Variants in SEPSECS observed in about 807,000 individuals in gnomAD.
SEPSECS encodes O-phosphoseryl-tRNA(Sec) selenium transferase.
In SEPSECS, 42 loss-of-function variants were observed where a neutral mutation model predicts 52.1. The observed-to-expected ratio is 0.81, with a 90% CI of 0.63 to 1.04. The LOEUF (loss-of-function observed/expected upper bound fraction) is 1.04. Ranked by LOEUF, SEPSECS falls within the 50% of genes least tolerant of loss-of-function variation. The probability of loss-of-function intolerance (pLI) is 0.00; values close to 1 mark genes in which losing one functional copy is unlikely to be tolerated. For missense variants in SEPSECS, 590 were observed against 610.6 expected (o/e 0.97, Z 0.36); for synonymous variants, 216 against 211.4 (o/e 1.02, Z -0.19).
At chr4:25,133,496 A>T (rs1388328631) in intron 8 of SEPSECS, among the ~76,000 whole-genome samples, 1 of 152,224 alleles carries the variant, frequency 6.6e-6, no homozygotes, top group African/African-American at 2.4e-5. Flanking sequence ...ATTTTCACTC[A>T]TGCTAAGCAA....
chr4:25,138,253 T>C (rs930727733), intron 8 of SEPSECS, among the ~76,000 whole-genome samples: 1 of 152,186 alleles, frequency 6.6e-6, no homozygotes, highest in African/African-American at 2.4e-5. Context: ...TTACTATCTA[T>C]ATAATAAAGT....
upstream of SEPSECS, chr4:25,160,521 T>G (rs1713019098): frequency 1.7e-5 from 11 of 642,530 alleles, no homozygotes; most frequent in Non-Finnish European, 2.9e-5. Flanking sequence ...AAAAAACACT[T>G]CTCGTTCGTG....
chr4:25,148,932 C>G (rs1390593952), intron 6 of SEPSECS, among the ~76,000 whole-genome samples: 1 of 152,172 alleles, frequency 6.6e-6, no homozygotes. Flanking sequence ...AAAGTTTATT[C>G]ATCCATCTTA....
intron 9 of SEPSECS, among the ~76,000 whole-genome samples, chr4:25,126,438 T>G (rs944265585): frequency 6.6e-6 from 1 of 152,206 alleles, no homozygotes; most frequent in Non-Finnish European, 1.5e-5. Flanking sequence ...TATTATATAT[T>G]GGTGTTCAAA....
intron 8 of SEPSECS, among the ~76,000 whole-genome samples, chr4:25,138,358 G>A (rs1445771733): frequency 1.3e-5 from 2 of 151,930 alleles, no homozygotes; most frequent in Non-Finnish European, 2.9e-5. Context: ...TTAGGCTCAT[G>A]CCTGTAATCC....
At chr4:25,125,941 T>C (rs1728346661) in intron 9 of SEPSECS, among the ~76,000 whole-genome samples, 157 bp from the exon 10 acceptor site, 1 of 152,236 alleles carries the variant, frequency 6.6e-6, no homozygotes, top group African/African-American at 2.4e-5. Flanking sequence ...GATTTGTTTA[T>C]ATATCAGACA....
At position 25,145,067 on chromosome 4, in the gene SEPSECS, C is replaced by A. The variant is rs1304133809; in HGVS notation, c.871G>T (p.Gly291Cys). The A allele has an allele frequency of 6.2e-7, 1 of 1,613,788 alleles. No individual in the cohort carries two copies. Among genetic ancestry groups the A allele is most frequent in the Admixed American group, 1.7e-5 (1 of 59,994 alleles). The change falls in exon 7 of 11, where the codon GGT (glycine) becomes TGT (cysteine). Residue 291 changes from glycine to cysteine, a missense_variant. Gly to Cys is a radical substitution (Grantham distance 159). Coordinates refer to ENST00000382103, the MANE Select transcript of SEPSECS (RefSeq NM_016955.4). Reference sequence around the variant, plus strand: ...TTAAAGCCAGCAATTATAGCACCACCTACTGGAACCATAAAATTTTTGTCC... The same window carrying A: ...TTAAAGCCAGCAATTATAGCACCACATACTGGAACCATAAAATTTTTGTCC... ...SLDKNFMVPV[G>C]GAIIAGFNDS... is the part of the protein sequence containing the mutation.
At chr4:25,137,411 G>C (rs1008951848) in intron 8 of SEPSECS, among the ~76,000 whole-genome samples, 3 of 152,072 alleles carry the variant, frequency 2.0e-5, no homozygotes, top group Admixed American at 6.6e-5. Context: ...CAAAGGACAC[G>C]AACAGCCACT....
intron 9 of SEPSECS, among the ~76,000 whole-genome samples, chr4:25,126,008 G>A (rs1728350349): frequency 6.6e-6 from 1 of 152,170 alleles, no homozygotes; most frequent in East Asian, 1.9e-4. Context: ...TCCAATATCA[G>A]CCTTCAGGAG....
intron 8 of SEPSECS, among the ~76,000 whole-genome samples, chr4:25,131,699 G>A (rs968738184): frequency 1.3e-5 from 2 of 152,198 alleles, no homozygotes; most frequent in African/African-American, 4.8e-5. Flanking sequence ...TAAGGACACT[G>A]AAGTGTATGA....
chr4:25,137,157 A>G (rs187878007), intron 8 of SEPSECS, among the ~76,000 whole-genome samples: 161 of 152,342 alleles, frequency 1.1e-3, no homozygotes, highest in African/African-American at 3.8e-3. Flanking sequence ...TGGCACAGGC[A>G]AAGATTTCAT....
intron 6 of SEPSECS, among the ~76,000 whole-genome samples, chr4:25,148,385 G>T (rs1712113279): frequency 6.7e-6 from 1 of 149,116 alleles, no homozygotes; most frequent in African/African-American, 2.5e-5. Context: ...AAGCCTAGTA[G>T]GATGCCTGAC....
At position 25,123,445 on chromosome 4, in the gene SEPSECS, G is replaced by C. The variant is rs977819601; in HGVS notation, c.*486C>G. 5.9e-6 allele frequency: 1 copy of C among 170,130 alleles called. No homozygotes were observed. The highest frequency in any genetic ancestry group is 2.4e-5 in the African/African-American group (1 of 41,616). The allele number at this position is 170,130 out of a possible 1,614,324, so 10.5% of individuals were successfully genotyped here. ...AGACCCACTGCTTTTGAGTCAAAAC[G>C]AAAGTTTATACCTTGACTCTGCTTC... On this transcript the variant is annotated 3_prime_UTR_variant, in exon 11 of 11. Coordinates refer to ENST00000382103, the MANE Select transcript of SEPSECS (RefSeq NM_016955.4).
intron 6 of SEPSECS, among the ~76,000 whole-genome samples, chr4:25,145,469 G>A (rs753800618): frequency 3.9e-5 from 6 of 152,122 alleles, no homozygotes; most frequent in Non-Finnish European, 7.3e-5. Context: ...CCTTATATGT[G>A]CAACTTTAAG....
chr4:25,160,272 C>T lies in SEPSECS; in HGVS notation c.98G>A (p.Arg33Gln). The change falls in exon 1 of 11, where the codon CGG becomes CAG. Residue 33 changes from arginine (R) to glutamine (Q), a missense_variant. Arg to Gln is a conservative substitution (Grantham distance 43). Coordinates refer to ENST00000382103, the MANE Select transcript of SEPSECS (RefSeq NM_016955.4). ...GCTCGGTACCTTCTCCAGAAGCAGC[C>T]GTATGAGGTGCTCATGCGAGCGGCG... is the stretch of plus-strand genomic sequence containing the variant. Reference protein sequence around the residue: ...EARRSHEHLIRLLLEKGKCPE... With the variant: ...EARRSHEHLIQLLLEKGKCPE... 1 of 1,556,590 alleles carries T rather than the reference C, an allele frequency of 6.4e-7. No homozygotes were observed.
chr4:25,127,182 G>A, intron 9 of SEPSECS, 82 bp downstream of exon 9: 3 of 842,038 alleles, frequency 3.6e-6, no homozygotes, highest in Non-Finnish European at 5.9e-6. Context: ...ACTAGAAAGA[G>A]TTTTCTCTCC....
chr4:25,147,630 G>A (rs180950773), intron 6 of SEPSECS, among the ~76,000 whole-genome samples: 6 of 151,898 alleles, frequency 4.0e-5, no homozygotes, highest in Admixed American at 2.6e-4. Flanking sequence ...TCTTAAATTC[G>A]TCATTTTAGT....
rs890238801 is a variant in SEPSECS at position 25,123,719 on chromosome 4, T to C, written c.*212A>G. The C allele has an allele frequency of 3.5e-6, 2 of 572,612 alleles. No individual in the cohort carries two copies. The highest frequency in any genetic ancestry group is 2.1e-5 in the South Asian group (1 of 46,924). 35.5% of individuals were successfully genotyped at this position (572,612 alleles called of 1,614,324 possible). On this transcript the variant is annotated 3_prime_UTR_variant, in exon 11 of 11. Coordinates refer to ENST00000382103, the MANE Select transcript of SEPSECS (RefSeq NM_016955.4). ...CAATTAGAAAAATGCTAATTGTATA[T>C]TATAACCTGTTAAGGATCACAAGGA...
chr4:25,131,318 G>A (rs1035028914), intron 8 of SEPSECS, among the ~76,000 whole-genome samples: 2 of 152,110 alleles, frequency 1.3e-5, no homozygotes, highest in Non-Finnish European at 2.9e-5. Context: ...AATAAAAATG[G>A]AACCTCACAT....
Sources: gnomAD v4.1 joint callset for allele counts (sites outside exome capture counted in the v4.1 genomes callset) on GRCh38, gnomAD v4.1.1 for gene constraint, MANE v1.5 for transcripts, NCBI Gene and HGNC (gene_info 2026-07-23, HGNC 2026-07-21) for gene names.